Variants in LMLN observed in about 807,000 individuals in gnomAD.
The protein encoded by LMLN is leishmanolysin-like peptidase.
In LMLN, 70 loss-of-function variants were observed where a neutral mutation model predicts 92.3. The ratio of observed to expected loss-of-function variants is 0.76; its 90% CI spans 0.63 to 0.92. The LOEUF (loss-of-function observed/expected upper bound fraction) is 0.92. LMLN is among the 40% of genes least tolerant of loss of function. The probability of loss-of-function intolerance (pLI) is 0.00; values close to 1 mark genes in which losing one functional copy is unlikely to be tolerated. For synonymous variants in LMLN, 308 were observed against 296.2 expected, an observed-to-expected ratio of 1.04 and a Z score of -0.41; for missense variants, 691 against 814.6, an observed-to-expected ratio of 0.85 and a Z score of 1.85.
At chr3:197,976,752 G>A (rs1721395521) in intron 5 of LMLN, 37 bp downstream of exon 5, 7 of 1,071,340 alleles carry the variant, frequency 6.5e-6, no homozygotes, top group Non-Finnish European at 9.2e-6. Flanking sequence ...TTTTACACCT[G>A]AGGAGATTTT....
At chr3:197,990,697 T>C (rs74683446) in intron 9 of LMLN, 21 bp downstream of exon 9, 63,550 of 1,150,086 alleles carry the variant, frequency 0.055, 2,150 homozygotes, top group African/African-American at 0.11. Context: ...TCAGACTTCA[T>C]GTCTCATGAG....
intron 14 of LMLN, among the ~76,000 whole-genome samples, chr3:198,034,919 G>T (rs1472347488): frequency 6.6e-6 from 1 of 152,158 alleles, no homozygotes; most frequent in Non-Finnish European, 1.5e-5. Flanking sequence ...TTATGGCCAG[G>T]TGCAGTGGCT....
At chr3:197,961,716 G>A (rs943610892) in intron 1 of LMLN, among the ~76,000 whole-genome samples, 1 of 152,108 alleles carries the variant, frequency 6.6e-6, no homozygotes, top group African/African-American at 2.4e-5. Flanking sequence ...CTGTAGTTAC[G>A]CTAATGACTA....
At chr3:197,978,569 G>A (rs1308133560) in intron 5 of LMLN, among the ~76,000 whole-genome samples, 1 of 152,148 alleles carries the variant, frequency 6.6e-6, no homozygotes, top group African/African-American at 2.4e-5. Flanking sequence ...CTGGGGACGT[G>A]GAGGTTGCAG....
intron 4 of LMLN, 143 bp downstream of exon 4, chr3:197,976,254 A>G (rs1156251156): frequency 1.1e-5 from 6 of 534,504 alleles, no homozygotes; most frequent in Non-Finnish European, 1.7e-5. Flanking sequence ...GTATTTAAAA[A>G]GAATAAAAAA....
At chr3:197,988,192 C>T (rs1721765290) in intron 8 of LMLN, among the ~76,000 whole-genome samples, 1 of 151,332 alleles carries the variant, frequency 6.6e-6, no homozygotes, top group Non-Finnish European at 1.5e-5. Context: ...CTATATTGCC[C>T]AGGTGGGTCT....
chr3:198,024,886 T>A, intron 14 of LMLN, 98 bp downstream of exon 15: 1 of 959,418 alleles, frequency 1.0e-6, no homozygotes, highest in Non-Finnish European at 1.5e-6. Context: ...TTTATGTCAT[T>A]AATTTACTGA....
chr3:197,961,698 A>C (rs1581121823), intron 1 of LMLN, among the ~76,000 whole-genome samples: 1 of 152,178 alleles, frequency 6.6e-6, no homozygotes, highest in African/African-American at 2.4e-5. Flanking sequence ...CAGGAGCTAC[A>C]GTGTTCACTG....
intron 6 of LMLN, among the ~76,000 whole-genome samples, chr3:197,983,013 G>A (rs1019317196): frequency 6.6e-6 from 1 of 152,200 alleles, no homozygotes; most frequent in Non-Finnish European, 1.5e-5. Context: ...GGAAGCCCCT[G>A]AAGAGTTTTA....
chr3:197,974,744 A>G (rs1721321174), intron 2 of LMLN, among the ~76,000 whole-genome samples: 1 of 152,222 alleles, frequency 6.6e-6, no homozygotes, highest in Non-Finnish European at 1.5e-5. Context: ...ATCTACTTGG[A>G]TGTGGACAGT....
intron 9 of LMLN, among the ~76,000 whole-genome samples, chr3:197,991,749 C>T (rs533651377): frequency 1.6e-4 from 24 of 152,224 alleles, no homozygotes; most frequent in African/African-American, 5.1e-4. Flanking sequence ...TGACTTTGTA[C>T]AGCTCTCTGA....
rs1722910321 is a variant in LMLN, at chr3:198,025,581, G to A, written c.1656+793G>A. On this transcript the variant is annotated intron_variant, in intron 14 of 15. Coordinates refer to ENST00000330198, the Ensembl canonical transcript of LMLN. The surrounding 1 kb of genome is among the most constrained non-coding windows in gnomAD (Gnocchi z 4.3). ...GAAGAGGTCTCACTATGTTGCCCAGGCTAGATTAGAACTTCGGGGCCCAAG... is the reference window on the plus strand; with the variant it reads ...GAAGAGGTCTCACTATGTTGCCCAGACTAGATTAGAACTTCGGGGCCCAAG... Among the ~76,000 whole-genome samples the A allele has an allele frequency of 6.6e-6, 1 of 152,120 alleles. No homozygotes were observed. The highest frequency in any genetic ancestry group is 2.4e-5 in the African/African-American group (1 of 41,420).
chr3:197,989,708 G>T (rs555227145), intron 8 of LMLN, among the ~76,000 whole-genome samples: 1 of 152,198 alleles, frequency 6.6e-6, no homozygotes, highest in African/African-American at 2.4e-5. Flanking sequence ...TCATAGGGTT[G>T]TTGAAAAGAT....
chr3:198,026,517 C>A (rs2109944964), intron 14 of LMLN, among the ~76,000 whole-genome samples: 1 of 152,130 alleles, frequency 6.6e-6, no homozygotes, highest in Non-Finnish European at 1.5e-5. Flanking sequence ...ATTGACCAGG[C>A]TGGTCTCAAA....
chr3:197,975,333 G>A (rs1721339697), intron 3 of LMLN, among the ~76,000 whole-genome samples: 1 of 151,450 alleles, frequency 6.6e-6, no homozygotes, highest in Non-Finnish European at 1.5e-5. Flanking sequence ...AAGTTTTTGG[G>A]GAGCAAATCA....
At chr3:197,987,573 G>GA (rs1283089717) in intron 8 of LMLN, among the ~76,000 whole-genome samples, 12 of 151,928 alleles carry the variant, frequency 7.9e-5, no homozygotes, top group Admixed American at 3.9e-4. Flanking sequence ...GAATAAGCCA[G>GA]AAAAAAAATG....
intron 11 of LMLN, among the ~76,000 whole-genome samples, chr3:198,012,087 A>T (rs976707355): frequency 3.9e-5 from 6 of 152,202 alleles, no homozygotes; most frequent in African/African-American, 1.4e-4. Flanking sequence ...TTTTTTTGAG[A>T]CGGAGTTTCA....
At chr3:198,017,328 A>G (rs908972424) in intron 11 of LMLN, among the ~76,000 whole-genome samples, 1 of 152,178 alleles carries the variant, frequency 6.6e-6, no homozygotes, top group Non-Finnish European at 1.5e-5. Context: ...GCTGTTCTCA[A>G]GCACTTCTGG....
In LMLN at chr3:198,019,456, T is replaced by C. The variant is rs1169143094; in HGVS notation, c.1365+71T>C. On this transcript the variant is annotated intron_variant, in intron 12 of 15. Coordinates refer to ENST00000330198, the Ensembl canonical transcript of LMLN. The surrounding 1 kb of genome is among the most constrained non-coding windows in gnomAD (Gnocchi z 5.5). ...GTAGTCTCCATTTTAACTAAAAGAG[T>C]AAATTCTCTTAAGATTCTTAATTTA... 2.8e-6 allele frequency: 4 copies of C among 1,411,968 alleles called. No homozygotes were observed. The Admixed American group carries it at 9.8e-5, about 35-fold the overall frequency. 87.5% of individuals were successfully genotyped at this position (1,411,968 alleles called of 1,614,324 possible). A position where few individuals can be genotyped will look rare whatever the true frequency, so the allele number is the denominator to read the frequency against.
Sources: allele counts gnomAD v4.1 joint callset (sites outside exome capture counted in the v4.1 genomes callset), GRCh38; gene constraint gnomAD v4.1.1; non-coding constraint Gnocchi (gnomAD v3.1); transcripts MANE v1.5; gene names NCBI Gene and HGNC (gene_info 2026-07-23, HGNC 2026-07-21).